The following SKAP2 variants were observed in gnomAD, a reference collection of about 807,000 sequenced individuals.
SKAP2 encodes src kinase-associated phosphoprotein 2.
A neutral mutation model predicts 54.9 loss-of-function variants in SKAP2; 28 were observed. The observed-to-expected ratio is 0.51, with a 90% CI of 0.38 to 0.70. The LOEUF (loss-of-function observed/expected upper bound fraction) is 0.70. Among genes scored for constraint, SKAP2 ranks in the 30% least tolerant of loss-of-function variants. The pLI, the probability that SKAP2 is intolerant of heterozygous loss-of-function variation, is 0.00. For missense variants in SKAP2, 356 were observed against 424.1 expected, an observed-to-expected ratio of 0.84 and a Z score of 1.41; for synonymous variants, 137 against 134.3, an observed-to-expected ratio of 1.02 and a Z score of -0.14.
At chr7:26,730,136 A>G (rs1480389671) in intron 6 of SKAP2, among the ~76,000 whole-genome samples, 8 of 152,188 alleles carry the variant, frequency 5.3e-5, no homozygotes, top group Admixed American at 6.5e-5. Flanking sequence ...ATGGGCAGAC[A>G]TGGCTATAAG....
At chr7:26,666,493 A>G (rs1274524413), downstream of SKAP2, among the ~76,000 whole-genome samples, 1 of 152,202 alleles carries the variant, frequency 6.6e-6, no homozygotes, top group Non-Finnish European at 1.5e-5. Context: ...CACATTTAAG[A>G]AACAGTTGAA....
intron 9 of SKAP2, among the ~76,000 whole-genome samples, chr7:26,710,557 T>C (rs1207876864): frequency 6.6e-6 from 1 of 152,156 alleles, no homozygotes; most frequent in East Asian, 1.9e-4. Flanking sequence ...GTTGGAAATG[T>C]ATGGGATATG....
chr7:26,687,167 G>A (rs756105600), intron 10 of SKAP2, among the ~76,000 whole-genome samples: 18 of 149,740 alleles, frequency 1.2e-4, no homozygotes, highest in Admixed American at 1.0e-3. Context: ...CCCTCGATAC[G>A]CTTGCTGAAA....
intron 4 of SKAP2, among the ~76,000 whole-genome samples, chr7:26,832,168 T>A (rs890474687): frequency 6.6e-6 from 1 of 152,212 alleles, no homozygotes; most frequent in Non-Finnish European, 1.5e-5. Flanking sequence ...TGCCACACAT[T>A]TCTGCAACTG....
intron 9 of SKAP2, among the ~76,000 whole-genome samples, chr7:26,714,146 A>T (rs1395369899): frequency 1.3e-5 from 2 of 152,174 alleles, no homozygotes; most frequent in Non-Finnish European, 2.9e-5. Flanking sequence ...CAACAGGAAC[A>T]AAGGGAGCTC....
At chr7:26,857,318 A>AAAAAAAAAAAAAAAAAAAAAAAG (rs1785187117) in intron 1 of SKAP2, 1 of 231,632 alleles carries the variant, frequency 4.3e-6, no homozygotes, top group Non-Finnish European at 7.0e-6. Flanking sequence ...CTTAAAAAAA[A>AAAAAAAAAAAAAAAAAAAAAAAG]AAAAAAAAAA....
At chr7:26,795,499 A>G (rs968081400) in intron 4 of SKAP2, among the ~76,000 whole-genome samples, 4 of 152,222 alleles carry the variant, frequency 2.6e-5, no homozygotes, top group Admixed American at 6.5e-5. Context: ...ATAACTTTAG[A>G]AGCAGTTAAT....
intron 9 of SKAP2, among the ~76,000 whole-genome samples, chr7:26,701,628 G>A (rs1283405898): frequency 6.6e-6 from 1 of 152,094 alleles, no homozygotes; most frequent in Non-Finnish European, 1.5e-5. Flanking sequence ...AGGAGGCTGA[G>A]GCAGGAGGAC....
intron 9 of SKAP2, among the ~76,000 whole-genome samples, chr7:26,693,214 C>T (rs183400873): frequency 1.9e-3 from 285 of 151,808 alleles, no homozygotes; most frequent in African/African-American, 6.5e-3. Flanking sequence ...CGCTTGTAAT[C>T]TCAGCTACTC....
chr7:26,672,796 T>G (rs17290728), intron 11 of SKAP2, among the ~76,000 whole-genome samples: 10,720 of 152,048 alleles, frequency 0.071, 507 homozygotes, highest in Non-Finnish European at 0.1. Flanking sequence ...ATGAGCCTCC[T>G]GAGCAACATG....
At chr7:26,839,851 T>A (rs1280912107) in intron 4 of SKAP2, among the ~76,000 whole-genome samples, 1 of 152,080 alleles carries the variant, frequency 6.6e-6, no homozygotes, top group Non-Finnish European at 1.5e-5. Context: ...AAGCCTGTTT[T>A]AGACACTTTC....
intron 4 of SKAP2, among the ~76,000 whole-genome samples, chr7:26,834,820 A>C (rs916099305): frequency 3.3e-5 from 5 of 152,212 alleles, no homozygotes; most frequent in African/African-American, 1.2e-4. Flanking sequence ...ACAGAAAAAG[A>C]GGGACTCCTC....
At chr7:26,806,510 G>A (rs1252318065) in intron 4 of SKAP2, among the ~76,000 whole-genome samples, 2 of 152,186 alleles carry the variant, frequency 1.3e-5, no homozygotes, top group Non-Finnish European at 2.9e-5. Context: ...GGGAATTTGA[G>A]GCTGCAAAGC....
At chr7:26,792,220 A>C (rs1276521189) in intron 4 of SKAP2, among the ~76,000 whole-genome samples, 1 of 152,182 alleles carries the variant, frequency 6.6e-6, no homozygotes, top group African/African-American at 2.4e-5. Flanking sequence ...AAGGAGCACA[A>C]GGGAACTTTT....
chr7:26,845,604 C>T (rs1784904616), intron 3 of SKAP2, among the ~76,000 whole-genome samples: 1 of 152,154 alleles, frequency 6.6e-6, no homozygotes, highest in South Asian at 2.1e-4. Context: ...TTTCAGAACA[C>T]TCAATGATCC....
chr7:26,675,843 T>A (rs1482416889), intron 11 of SKAP2, among the ~76,000 whole-genome samples: 1 of 152,232 alleles, frequency 6.6e-6, no homozygotes, highest in Non-Finnish European at 1.5e-5. Flanking sequence ...ATGTACTACA[T>A]GGGATGTGCC....
At chr7:26,818,401 C>T (rs953517057) in intron 4 of SKAP2, among the ~76,000 whole-genome samples, 1 of 152,156 alleles carries the variant, frequency 6.6e-6, no homozygotes, top group African/African-American at 2.4e-5. Flanking sequence ...AAAACTGAAA[C>T]TGGACCCCTT....
At chr7:26,756,637 C>T (rs1782799867) in intron 4 of SKAP2, among the ~76,000 whole-genome samples, 1 of 152,204 alleles carries the variant, frequency 6.6e-6, no homozygotes, top group African/African-American at 2.4e-5. Flanking sequence ...CCGCAATAAA[C>T]ATACACGTGC....
rs537291006 is a variant in SKAP2, at chr7:26,799,796, G to A, written c.307+44234C>T. Among the ~76,000 whole-genome samples, 195 of 152,272 alleles carry A rather than the reference G, an allele frequency of 1.3e-3. 1 individual carries two copies. Among genetic ancestry groups the A allele is most frequent in the Non-Finnish European group, 1.7e-3 (116 of 68,022 alleles). On this transcript the variant is annotated intron_variant, in intron 4 of 12. Coordinates refer to ENST00000345317, the MANE Select transcript of SKAP2 (RefSeq NM_003930.5). ...AGCACATGGATCATTCTCAAGAATA[G>A]ACCATATGTCAGGTCACAAAACAAG...
Sources: gnomAD v4.1 joint callset for allele counts (sites outside exome capture counted in the v4.1 genomes callset) on GRCh38, gnomAD v4.1.1 for gene constraint, MANE v1.5 for transcripts, NCBI Gene and HGNC (gene_info 2026-07-23, HGNC 2026-07-21) for gene names.